The following DNAAF4 variants were observed in gnomAD, a reference collection of about 807,000 sequenced individuals.
DNAAF4 encodes dynein assembly factor 4, axonemal.
A neutral mutation model predicts 51.8 loss-of-function variants in DNAAF4; 43 were observed. The ratio of observed to expected loss-of-function variants is 0.83; its 90% CI spans 0.65 to 1.07. The LOEUF is 1.07. DNAAF4 is among the 50% of genes least tolerant of loss of function. The probability of loss-of-function intolerance (pLI) is 0.00; values close to 1 mark genes in which losing one functional copy is unlikely to be tolerated. For missense variants in DNAAF4, 581 were observed against 493.0 expected (o/e 1.18, Z -1.69); for synonymous variants, 194 against 165.6 (o/e 1.17, Z -1.32).
chr15:55,475,341 A>C (rs947916872), intron 4 of DNAAF4, among the ~76,000 whole-genome samples: 3 of 152,180 alleles, frequency 2.0e-5, no homozygotes, highest in African/African-American at 4.8e-5. Flanking sequence ...AATTAACCAA[A>C]AGAAGACTAC....
At chr15:55,483,898 G>A (rs925682514) in intron 4 of DNAAF4, among the ~76,000 whole-genome samples, 3 of 135,070 alleles carry the variant, frequency 2.2e-5, no homozygotes, top group Non-Finnish European at 4.6e-5. Context: ...CAAATAATGG[G>A]AGAAGAGAGG....
At chr15:55,480,183 A>C (rs2058389406) in intron 4 of DNAAF4, among the ~76,000 whole-genome samples, 1 of 152,160 alleles carries the variant, frequency 6.6e-6, no homozygotes, top group African/African-American at 2.4e-5. Flanking sequence ...TTGAGGCTCA[A>C]GCAGGCATCA....
chr15:55,442,317 T>C (rs1228450653), intron 6 of DNAAF4, among the ~76,000 whole-genome samples: 2 of 152,108 alleles, frequency 1.3e-5, no homozygotes, highest in Non-Finnish European at 2.9e-5. Flanking sequence ...CGGGGTTTCA[T>C]CGTGTTGTCC....
intron 6 of DNAAF4, among the ~76,000 whole-genome samples, chr15:55,441,232 C>T (rs1198665001): frequency 2.0e-5 from 3 of 149,024 alleles, no homozygotes; most frequent in East Asian, 2.1e-4. Flanking sequence ...CCACCATGCC[C>T]GGCCAGTTTT....
chr15:55,418,834 A>AGG (rs2057361442), intron 7 of DNAAF4: 1 of 287,374 alleles, frequency 3.5e-6, no homozygotes. Context: ...TTACTTATCT[A>AGG]TTGAGTATAC....
rs1308588888 is a variant in DNAAF4 at position 55,491,155 on chromosome 15, C to T, written c.373G>A (p.Asp125Asn). ...TEAKAAAKRE[D>N]QKYALSVMMK... ...ATGACACTTAGTGCGTATTTTTGAT[C>T]TTCCCGCTTTGCTGCAGCTTTTGCT... is the stretch of plus-strand genomic sequence containing the variant. Residue 125 changes from aspartate (D) to asparagine (N), a missense_variant, in exon 4 of 10, where the codon GAT becomes AAT. By Grantham distance (23) the Asp-to-Asn change is conservative. Transcript: ENST00000321149. 1 of 1,614,038 alleles carries T rather than the reference C, an allele frequency of 6.2e-7. No individual in the cohort carries two copies. Among genetic ancestry groups the T allele is most frequent in the East Asian group, 2.2e-5 (1 of 44,854 alleles).
chr15:55,439,910 T>A (rs1290914894), intron 6 of DNAAF4, among the ~76,000 whole-genome samples: 1 of 152,150 alleles, frequency 6.6e-6, no homozygotes, highest in African/African-American at 2.4e-5. Context: ...CAAGTTATGA[T>A]GAGCACCCCT....
At chr15:55,487,722 C>T (rs1251359373) in intron 4 of DNAAF4, among the ~76,000 whole-genome samples, 1 of 152,116 alleles carries the variant, frequency 6.6e-6, no homozygotes, top group South Asian at 2.1e-4. Flanking sequence ...TATGCGGCTT[C>T]ATTCTTGAAG....
intron 3 of DNAAF4, among the ~76,000 whole-genome samples, chr15:55,497,031 TC>T (rs987551222): frequency 1.3e-5 from 2 of 152,242 alleles, no homozygotes; most frequent in African/African-American, 4.8e-5. Flanking sequence ...TTAAAAGCTA[TC>T]ACATTTCCTA....
chr15:55,470,737 G>GT (rs1257900810), intron 4 of DNAAF4, among the ~76,000 whole-genome samples: 2 of 151,230 alleles, frequency 1.3e-5, no homozygotes, highest in African/African-American at 2.4e-5. Context: ...TAAAGATGGG[G>GT]TTTTCCCTTG....
chr15:55,418,487 G>A (rs1375296319), intron 7 of DNAAF4: 2 of 1,528,666 alleles, frequency 1.3e-6, no homozygotes, highest in South Asian at 2.4e-5. Context: ...CAGAGCAACT[G>A]GATTTTATCA....
chr15:55,455,167 C>T (rs1373162816), intron 5 of DNAAF4, among the ~76,000 whole-genome samples: 1 of 147,202 alleles, frequency 6.8e-6, no homozygotes, highest in African/African-American at 2.5e-5. Context: ...CAGACCTAGA[C>T]AGTTTTAGGG....
At chr15:55,445,540 G>A (rs569240920) in intron 6 of DNAAF4, among the ~76,000 whole-genome samples, 4 of 152,022 alleles carry the variant, frequency 2.6e-5, no homozygotes, top group East Asian at 1.9e-4. Flanking sequence ...GCCCGTTCTC[G>A]ATGGTCGCTG....
chr15:55,492,528 G>A (rs1374359708), intron 3 of DNAAF4, among the ~76,000 whole-genome samples: 1 of 151,922 alleles, frequency 6.6e-6, no homozygotes, highest in East Asian at 1.9e-4. Context: ...AAAACATTAA[G>A]AAATAAAATT....
At chr15:55,491,043 G>A in intron 4 of DNAAF4, 80 bp downstream of exon 4, 2 of 1,525,328 alleles carry the variant, frequency 1.3e-6, no homozygotes, top group Non-Finnish European at 1.8e-6. Context: ...TGCTGAGGAA[G>A]TCCAGCAGCT....
chr15:55,444,992 A>C (rs1391558005), intron 6 of DNAAF4, among the ~76,000 whole-genome samples: 1 of 151,188 alleles, frequency 6.6e-6, no homozygotes, highest in Non-Finnish European at 1.5e-5. Context: ...TCATCTGCAA[A>C]CAGGGACAAT....
At chr15:55,473,198 A>ATATATATAT (rs1555418729) in intron 4 of DNAAF4, among the ~76,000 whole-genome samples, 1 of 75,750 alleles carries the variant, frequency 1.3e-5, no homozygotes, top group African/African-American at 5.4e-5. Context: ...AAAAAAAAAA[A>ATATATATAT]ATATATATAT....
intron 6 of DNAAF4, among the ~76,000 whole-genome samples, chr15:55,443,551 G>A (rs928632657): frequency 5.9e-5 from 9 of 152,160 alleles, no homozygotes; most frequent in Non-Finnish European, 1.2e-4. Context: ...ATAATCTTTG[G>A]GTATATACCC....
At chr15:55,489,088 C>CA (rs370570288) in intron 4 of DNAAF4, among the ~76,000 whole-genome samples, 19,929 of 135,686 alleles carry the variant, frequency 0.15, 2,137 homozygotes, top group African/African-American at 0.32. Context: ...GACTCCATCT[C>CA]AAAAAAAAAA....
Sources: allele counts gnomAD v4.1 joint callset (sites outside exome capture counted in the v4.1 genomes callset), GRCh38; gene constraint gnomAD v4.1.1; transcripts MANE v1.5; gene names NCBI Gene and HGNC (gene_info 2026-07-23, HGNC 2026-07-21).